Variants in SETMAR observed in about 807,000 individuals in gnomAD.
SETMAR encodes the protein SET and mariner transposase domain methyltransferase, also known as histone-lysine N-methyltransferase SETMAR.
In SETMAR, 44 loss-of-function variants were observed where a neutral mutation model predicts 58.4. The ratio of observed to expected loss-of-function variants is 0.75; its 90% CI spans 0.59 to 0.97. The LOEUF (loss-of-function observed/expected upper bound fraction) is 0.97, where lower values mean the gene tolerates loss of function less well. Ranked by LOEUF, SETMAR falls within the 50% of genes least tolerant of loss-of-function variation. The pLI is 0.00. For synonymous variants in SETMAR, 332 were observed against 307.4 expected, an observed-to-expected ratio of 1.08 and a Z score of -0.84; for missense variants, 903 against 840.2, an observed-to-expected ratio of 1.07 and a Z score of -0.92.
In SETMAR at chr3:4,313,544, ATC is replaced by A. The variant is rs1698510188; in HGVS notation, c.805_806del (p.Leu269AsnfsTer4). 2 of 1,613,972 alleles carry A rather than the reference ATC, an allele frequency of 1.2e-6. No individual in the cohort carries two copies. Among genetic ancestry groups the A allele is most frequent in the African/African-American group, 2.7e-5 (2 of 74,922 alleles). ...TATGATTATTCAGGAAGATATCTTA[ATC>A]TAACAGTCAGTGAAGACAAAGAAAG... is the stretch of plus-strand genomic sequence containing the variant. On this transcript the variant is annotated frameshift_variant, in exon 2 of 3. Coordinates refer to ENST00000358065, the MANE Select transcript of SETMAR (RefSeq NM_006515.4). LOFTEE classifies it high-confidence loss of function.
chr3:4,307,963 G>C (rs896157280), intron 1 of SETMAR, among the ~76,000 whole-genome samples: 1 of 152,040 alleles, frequency 6.6e-6, no homozygotes, highest in African/African-American at 2.4e-5. Flanking sequence ...CTTGAGCCCA[G>C]CAGTTGGAGC....
chr3:4,309,681 C>T (rs1698328071), intron 1 of SETMAR, among the ~76,000 whole-genome samples: 1 of 152,174 alleles, frequency 6.6e-6, no homozygotes, highest in South Asian at 2.1e-4. Context: ...CAGTAGGCCT[C>T]ATCTACGTGG....
Position 4,313,031 on chromosome 3 carries a change from A to C in SETMAR, c.290A>C (p.Asp97Ala). 6.2e-7 allele frequency: 1 copy of C among 1,613,948 alleles called. No individual in the cohort carries two copies. Among genetic ancestry groups the C allele is most frequent in the East Asian group, 2.2e-5 (1 of 44,864 alleles). Residue 97 changes from aspartate to alanine, a missense_variant, in exon 2 of 3, where the codon GAT (aspartate) becomes GCT (alanine). Coordinates refer to ENST00000358065, the MANE Select transcript of SETMAR (RefSeq NM_006515.4). ...TGTCTCCGCCATGGAGAGAACTATG[A>C]TGATAACTCATGCCTTAGAGATATA... is the stretch of plus-strand genomic sequence containing the variant. ...CSCLRHGENY[D>A]DNSCLRDIGS...
At chr3:4,307,032 G>A (rs974126746) in intron 1 of SETMAR, among the ~76,000 whole-genome samples, 2 of 152,210 alleles carry the variant, frequency 1.3e-5, no homozygotes, top group African/African-American at 4.8e-5. Context: ...CTGGCTCACA[G>A]TCTTCTAATA....
chr3:4,305,941 T>G (rs1698170809), intron 1 of SETMAR, among the ~76,000 whole-genome samples: 1 of 152,238 alleles, frequency 6.6e-6, no homozygotes, highest in Non-Finnish European at 1.5e-5. Context: ...AACTTAGGAC[T>G]AAGCATTGCT....
intron 1 of SETMAR, 42 bp downstream of exon 1, chr3:4,303,568 T>A: frequency 7.5e-7 from 1 of 1,337,176 alleles, no homozygotes; most frequent in Non-Finnish European, 9.5e-7. Context: ...GGCGCGCGGC[T>A]CCCCCACGTG....
At position 4,316,892 on chromosome 3, in the gene SETMAR, C is replaced by T. The variant is rs1279179774; in HGVS notation, c.1701C>T (p.Asn567=). 2 of 1,549,376 alleles carry T rather than the reference C, an allele frequency of 1.3e-6. No individual in the cohort carries two copies. The highest frequency in any genetic ancestry group is 1.7e-6 in the Non-Finnish European group (2 of 1,146,752). Residue 567 remains asparagine (N), a synonymous_variant, in exon 3 of 3, where the codon AAC becomes AAT. Coordinates refer to ENST00000358065, the MANE Select transcript of SETMAR (RefSeq NM_006515.4). ...ATGCTCAGGAAATCGATGAGATGAA[C>T]CAAAAACTGCAACGCCTGCAGCTGG... ...EKYAQEIDEM[N]QKLQRLQLAL... is the part of the protein sequence containing the mutation.
At position 4,313,529 on chromosome 3, in the gene SETMAR, C is replaced by T. The variant is rs759710440; in HGVS notation, c.788C>T (p.Ser263Leu). 6.2e-7 allele frequency: 1 copy of T among 1,613,832 alleles called. No individual in the cohort carries two copies. The highest frequency in any genetic ancestry group is 8.5e-7 in the Non-Finnish European group (1 of 1,179,930). The change falls in exon 2 of 3, where the codon TCA becomes TTA. Residue 263 changes from serine to leucine, a missense_variant. By Grantham distance (145) the Ser-to-Leu change is moderately radical. Coordinates refer to ENST00000358065, the MANE Select transcript of SETMAR (RefSeq NM_006515.4). ...VPEEELSYDY[S>L]GRYLNLTVSE... ...GAAGAAGAACTCTCTTATGATTATTCAGGAAGATATCTTAATCTAACAGTC... is the reference window on the plus strand; with the variant it reads ...GAAGAAGAACTCTCTTATGATTATTTAGGAAGATATCTTAATCTAACAGTC...
Position 4,303,535 on chromosome 3 carries a change from G to A in SETMAR, c.156+9G>A. On this transcript the variant is annotated intron_variant, in intron 1 of 2. Transcript: ENST00000358065. The stretch of plus-strand genomic sequence containing the variant: ...CGCCGGCGCCCTTCCAGGTAGGGGC[G>A]GGGCCAGGCGGCGCGGGAGGCGGGC... 2.2e-6 allele frequency: 3 copies of A among 1,371,302 alleles called. No individual in the cohort carries two copies. The highest frequency in any genetic ancestry group is 2.8e-6 in the Non-Finnish European group (3 of 1,065,814). 84.9% of individuals were successfully genotyped at this position (1,371,302 alleles called of 1,614,324 possible).
chr3:4,305,014 G>C (rs1698130838), intron 1 of SETMAR, among the ~76,000 whole-genome samples: 1 of 151,986 alleles, frequency 6.6e-6, no homozygotes, highest in African/African-American at 2.4e-5. Flanking sequence ...AATTTTTCTG[G>C]TTAACAATTT....
chr3:4,303,448 G>A lies in SETMAR; in HGVS notation c.78G>A (p.Glu26=). 6.5e-7 allele frequency: 1 copy of A among 1,546,362 alleles called. No homozygotes were observed. The highest frequency in any genetic ancestry group is 8.7e-7 in the Non-Finnish European group (1 of 1,152,024). Reference sequence around the variant, plus strand: ...AGGAGAAGCCTGAGGCCCCGACTGAGCAGCTGGATGTCGCGTGCGGCCAGG... The same window carrying A: ...AGGAGAAGCCTGAGGCCCCGACTGAACAGCTGGATGTCGCGTGCGGCCAGG... ...EFKEKPEAPT[E]QLDVACGQEN... Residue 26 remains glutamate, a synonymous_variant, in exon 1 of 3, where the codon GAG becomes GAA. Transcript: ENST00000358065.
intron 2 of SETMAR, among the ~76,000 whole-genome samples, chr3:4,314,838 A>G (rs1349605661): frequency 1.3e-5 from 2 of 152,176 alleles, no homozygotes; most frequent in Admixed American, 1.3e-4. Flanking sequence ...AGCCCCTATG[A>G]TATTATTAAG....
intron 2 of SETMAR, 60 bp from the exon 3 acceptor site, chr3:4,316,152 G>T: frequency 1.6e-6 from 1 of 614,304 alleles, no homozygotes; most frequent in African/African-American, 1.8e-5. Flanking sequence ...CCATTTTAAT[G>T]AGCATTTCTT....
chr3:4,309,974 C>T (rs1698340979), intron 1 of SETMAR, among the ~76,000 whole-genome samples: 1 of 152,218 alleles, frequency 6.6e-6, no homozygotes, highest in South Asian at 2.1e-4. Flanking sequence ...GTATAGCCTA[C>T]TACACACTTA....
chr3:4,313,662 C>G lies in SETMAR; in HGVS notation c.921C>G (p.Pro307=). The change falls in exon 2 of 3, where the codon CCC becomes CCG. Residue 307 remains proline (P), a synonymous_variant. Coordinates refer to ENST00000358065, the MANE Select transcript of SETMAR (RefSeq NM_006515.4). The part of the protein sequence containing the change: ...FLPFDSSLYC[P]VEKSNISCGN... ...CTTTTGACAGTTCTCTGTACTGCCCCGTAGAAAAGTCGAACATCAGTTGTG... is the reference window on the plus strand; with the variant it reads ...CTTTTGACAGTTCTCTGTACTGCCCGGTAGAAAAGTCGAACATCAGTTGTG... The G allele has an allele frequency of 1.2e-6, 2 of 1,613,968 alleles. No homozygotes were observed. The highest frequency in any genetic ancestry group is 1.7e-6 in the Non-Finnish European group (2 of 1,179,962).
chr3:4,317,179 C>G lies in SETMAR; in HGVS notation c.1988C>G (p.Thr663Arg). The G allele has an allele frequency of 6.5e-7, 1 of 1,550,138 alleles. No individual in the cohort carries two copies. Among genetic ancestry groups the G allele is most frequent in the African/African-American group, 1.4e-5 (1 of 73,086 alleles). Residue 663 changes from threonine (T) to arginine (R), a missense_variant, in exon 3 of 3, where the codon ACA (threonine) becomes AGA (arginine). Transcript: ENST00000358065. ...TCCCAAAGCACGGATTTTTACGCTA[C>G]AGGAATAAACCAACTTATTTCTCGT... ...VESQSTDFYA[T>R]GINQLISRWQ... is the part of the protein sequence containing the mutation.
chr3:4,306,496 T>G (rs1392594137), intron 1 of SETMAR, among the ~76,000 whole-genome samples: 2 of 152,192 alleles, frequency 1.3e-5, no homozygotes, highest in Non-Finnish European at 2.9e-5. Context: ...TAAAACCCAG[T>G]CCCACAGTGT....
intron 1 of SETMAR, among the ~76,000 whole-genome samples, chr3:4,310,635 T>C (rs1293910051): frequency 2.6e-5 from 4 of 152,372 alleles, no homozygotes; most frequent in African/African-American, 4.8e-5. Flanking sequence ...GCAAGTTTAA[T>C]TGCAGAATTT....
At position 4,311,044 on chromosome 3, in the gene SETMAR, C is replaced by A. The variant is rs141364098; in HGVS notation, c.157-1854C>A. ...CTATCCTTTATCCATTTAGGATATT[C>A]CTGCTAAGCTAAAGCTGTAAGAAAC... is the stretch of plus-strand genomic sequence containing the variant. On this transcript the variant is annotated intron_variant, in intron 1 of 2. Coordinates refer to ENST00000358065, the MANE Select transcript of SETMAR (RefSeq NM_006515.4). 6.0e-4 allele frequency among the ~76,000 whole-genome samples: 91 copies of A among 152,274 alleles called. 1 individual carries two copies. The highest frequency in any genetic ancestry group is 2.0e-3 in the African/African-American group (85 of 41,558).
Sources: gnomAD v4.1 joint callset for allele counts (sites outside exome capture counted in the v4.1 genomes callset) on GRCh38, gnomAD v4.1.1 for gene constraint, MANE v1.5 for transcripts, NCBI Gene and HGNC (gene_info 2026-07-23, HGNC 2026-07-21) for gene names.